ZNF44: variants seen among roughly 807,000 people sequenced by gnomAD.
The protein encoded by ZNF44 is zinc finger protein 44, also known as gonadotropin inducible transcription repressor-2.
Under a neutral mutation model 11.7 loss-of-function variants are expected in ZNF44, and 9 were observed. The observed-to-expected ratio is 0.77, with a 90% confidence interval of 0.46 to 1.35. ZNF44 has a LOEUF of 1.35. Ranked by LOEUF, ZNF44 falls within the 40% of genes most tolerant of loss-of-function variation. The probability of loss-of-function intolerance (pLI) is 0.00; values close to 1 mark genes in which losing one functional copy is unlikely to be tolerated. For synonymous variants in ZNF44, 224 were observed against 242.7 expected (o/e 0.92, Z 0.72); for missense variants, 696 against 743.1 (o/e 0.94, Z 0.74).
At chr19:12,236,957 T>TA (rs1301491420) in intron 1 of ZNF44, 1 of 152,230 alleles carries the variant, frequency 6.6e-6, no homozygotes, top group Non-Finnish European at 1.5e-5. Flanking sequence ...TGCTTCCTCA[T>TA]ACACCTTATA....
chr19:12,231,815 T>C (rs1164910783), intron 2 of ZNF44, among the ~76,000 whole-genome samples: 1 of 152,236 alleles, frequency 6.6e-6, no homozygotes, highest in African/African-American at 2.4e-5. Context: ...CTGGACTTTT[T>C]TGAGAACAAT....
Position 12,272,543 on chromosome 19 carries a change from CGACT to C in ZNF44, c.1708_1711del (p.Ser570ValfsTer77), listed in dbSNP as rs1568441411. The C allele has an allele frequency of 6.2e-7, 1 of 1,610,074 alleles. No homozygotes were observed. Among genetic ancestry groups the C allele is most frequent in the African/African-American group, 1.3e-5 (1 of 74,692 alleles). On this transcript the variant is annotated frameshift_variant, in exon 4 of 4. Transcript: ENST00000355684. LOFTEE classifies it low-confidence loss of function (END_TRUNC). ...TTCATGTTCTCGACAGAAACTGGAA[CGACT>C]GAAGGCTTTACCACAGTGTTTACAT...
At chr19:12,246,003 C>T (rs1259331520), downstream of ZNF44, among the ~76,000 whole-genome samples, 2 of 152,286 alleles carry the variant, frequency 1.3e-5, no homozygotes, top group South Asian at 2.1e-4. Flanking sequence ...ACCATCTTCA[C>T]ATCAAAGATA....
intron 1 of ZNF44, among the ~76,000 whole-genome samples, chr19:12,292,795 G>A (rs1247977780): frequency 6.6e-6 from 1 of 150,766 alleles, no homozygotes. Flanking sequence ...GATAAGCCAT[G>A]CGTCACCAAG....
chr19:12,283,521 G>A (rs575186444), intron 1 of ZNF44, among the ~76,000 whole-genome samples: 36 of 152,092 alleles, frequency 2.4e-4, no homozygotes, highest in African/African-American at 8.7e-4. Flanking sequence ...AGTAGAGACG[G>A]GGTTTCACCG....
At chr19:12,239,155 C>T (rs949035423), upstream of ZNF44, among the ~76,000 whole-genome samples, 8 of 152,126 alleles carry the variant, frequency 5.3e-5, no homozygotes, top group Admixed American at 3.9e-4. Context: ...CTCTGTTGCC[C>T]AGGCTGGAGT....
chr19:12,273,192 G>A lies in ZNF44; in HGVS notation c.1063C>T (p.His355Tyr), dbSNP rs761745180. 1.9e-6 allele frequency: 3 copies of A among 1,613,810 alleles called. No individual in the cohort carries two copies. The African/African-American group carries it at 4.0e-5, about 22-fold the overall frequency. ...GFDFPGSARIHEGTHTLEKPY... is the reference protein window; with the variant it reads ...GFDFPGSARIYEGTHTLEKPY... ...TTCTCTAGAGTGTGAGTTCCTTCATGAATTCGTGCTGAACCAGGAAAATCA... is the reference window on the plus strand; with the variant it reads ...TTCTCTAGAGTGTGAGTTCCTTCATAAATTCGTGCTGAACCAGGAAAATCA... The change falls in exon 4 of 4, where the codon CAT (histidine) becomes TAT (tyrosine). Residue 355 changes from histidine to tyrosine, a missense_variant. His to Tyr is a moderately conservative substitution (Grantham distance 83, BLOSUM62 2). Coordinates refer to ENST00000355684, the MANE Select transcript of ZNF44 (RefSeq NM_016264.4).
At chr19:12,241,505 C>G (rs1281562240), upstream of ZNF44, among the ~76,000 whole-genome samples, 1 of 152,180 alleles carries the variant, frequency 6.6e-6, no homozygotes, top group African/African-American at 2.4e-5. Context: ...GCCTTCCTGG[C>G]CAACATGGTG....
chr19:12,252,912 G>A (rs1287261885), intron 5 of ZNF44, among the ~76,000 whole-genome samples: 1 of 109,170 alleles, frequency 9.2e-6, no homozygotes, highest in African/African-American at 3.6e-5. Flanking sequence ...TTGAGAGACA[G>A]AGTCTCACTC....
At position 12,288,774 on chromosome 19, in the gene ZNF44, G is replaced by GTATATATATATATATATA. The variant is rs55971577; in HGVS notation, c.3+5900_3+5917dup. 5.9e-3 allele frequency among the ~76,000 whole-genome samples: 451 copies of GTATATATATATATATATA among 76,742 alleles called. 19 individuals are homozygous for GTATATATATATATATATA. Among genetic ancestry groups the GTATATATATATATATATA allele is most frequent in the African/African-American group, 0.014 (150 of 11,038 alleles). The allele number at this position is 76,742 out of a possible 152,430, so 50.3% of individuals were successfully genotyped here. ...CTCCGTCTCAAAAAAAAAAAAAAAT[G>GTATATATATATATATATA]TATATATATATATATATATATATAT... On this transcript the variant is annotated intron_variant, in intron 1 of 3. Coordinates refer to ENST00000355684, the MANE Select transcript of ZNF44 (RefSeq NM_016264.4).
rs1967053644 is a variant in ZNF44, at chr19:12,273,315, A to G, written c.940T>C (p.Cys314Arg). Residue 314 changes from cysteine (C) to arginine (R), a missense_variant, in exon 4 of 4, where the codon TGT (cysteine) becomes CGT (arginine). Coordinates refer to ENST00000355684, the MANE Select transcript of ZNF44 (RefSeq NM_016264.4). ...CCAAGATGACAAAACGCTTTCCCAC[A>G]CTGTTTACATGTATAGGGTTTCTCT... is the stretch of plus-strand genomic sequence containing the variant. ...TGEKPYTCKQ[C>R]GKAFCHLGSF... 3 of 1,613,508 alleles carry G rather than the reference A, an allele frequency of 1.9e-6. No individual in the cohort carries two copies. The highest frequency in any genetic ancestry group is 4.5e-5 in the East Asian group (2 of 44,788).
chr19:12,256,526 G>T (rs1381970008), intron 5 of ZNF44, among the ~76,000 whole-genome samples: 7 of 152,016 alleles, frequency 4.6e-5, no homozygotes, highest in African/African-American at 1.7e-4. Context: ...CTATGTCAGA[G>T]AGGATGCGGT....
rs1916936174 is a variant in ZNF44 at position 12,250,234 on chromosome 19, A to G, written c.*125+8T>C. On this transcript the variant is annotated splice_region_variant and intron_variant and NMD_transcript_variant, in intron 6 of 7. Coordinates refer to the ZNF44 transcript ENST00000393337. Reference sequence around the variant, plus strand: ...TTCAACAACATGATGGAATGATTTCATTTTTACCTATAGTGGCCAGGTTCC... The same window carrying G: ...TTCAACAACATGATGGAATGATTTCGTTTTTACCTATAGTGGCCAGGTTCC... 2.2e-6 allele frequency: 3 copies of G among 1,355,912 alleles called. No individual in the cohort carries two copies. In the South Asian group the frequency reaches 3.4e-5, roughly 16 times the overall value. 84.0% of individuals were successfully genotyped at this position (1,355,912 alleles called of 1,614,324 possible). A position where few individuals can be genotyped will look rare whatever the true frequency, so the allele number is the denominator to read the frequency against.
In ZNF44 at chr19:12,272,728, A is replaced by G. The variant is rs761917898; in HGVS notation, c.1527T>C (p.Cys509=). The change falls in exon 4 of 4, where the codon TGT becomes TGC. Residue 509 remains cysteine (C), a synonymous_variant. Coordinates refer to ENST00000355684, the MANE Select transcript of ZNF44 (RefSeq NM_016264.4). ...AACTGAAACGACTGAAGGCTTTGCC[A>G]CAAATTTGACACTCATAAGATTTTT... The part of the protein sequence containing the change: ...SEEKSYECQI[C]GKAFSRFSYL... 6.2e-7 allele frequency: 1 copy of G among 1,613,560 alleles called. No homozygotes were observed. Among genetic ancestry groups the G allele is most frequent in the East Asian group, 2.2e-5 (1 of 44,876 alleles).
chr19:12,279,033 GTT>G (rs1967356677), intron 1 of ZNF44, among the ~76,000 whole-genome samples: 1 of 152,142 alleles, frequency 6.6e-6, no homozygotes, highest in Non-Finnish European at 1.5e-5. Context: ...TCAGGTTTTT[GTT>G]TGTTTCATCT....
chr19:12,241,005 G>A (rs868654757), upstream of ZNF44, among the ~76,000 whole-genome samples: 1 of 152,108 alleles, frequency 6.6e-6, no homozygotes, highest in Non-Finnish European at 1.5e-5. Flanking sequence ...TGCAAATCAC[G>A]TATCTTGGAA....
At chr19:12,234,062 A>T (rs1399167771) in intron 2 of ZNF44, among the ~76,000 whole-genome samples, 3 of 117,932 alleles carry the variant, frequency 2.5e-5, no homozygotes, top group Non-Finnish European at 5.0e-5. Flanking sequence ...ACTCTGTCTT[A>T]AAAAAAAAAA....
At chr19:12,259,281 T>G (rs1236186481) in intron 5 of ZNF44, among the ~76,000 whole-genome samples, 1 of 152,208 alleles carries the variant, frequency 6.6e-6, no homozygotes, top group Admixed American at 6.5e-5. Flanking sequence ...CTGCTCTATT[T>G]ATTTTATATT....
downstream of ZNF44, among the ~76,000 whole-genome samples, chr19:12,225,608 G>C (rs189682364): frequency 6.6e-6 from 1 of 152,308 alleles, no homozygotes. Context: ...TATGGTAATT[G>C]AGATTCTGTG....
Sources: allele counts gnomAD v4.1 joint callset (sites outside exome capture counted in the v4.1 genomes callset), GRCh38; gene constraint gnomAD v4.1.1; transcripts MANE v1.5; gene names NCBI Gene and HGNC (gene_info 2026-07-23, HGNC 2026-07-21).